Variants in BRWD3 observed in about 807,000 individuals in gnomAD.
The protein encoded by BRWD3 is bromodomain and WD repeat domain containing 3.
BRWD3 carries 10 observed loss-of-function variants against 149.7 expected under a neutral mutation model. The ratio of observed to expected loss-of-function variants is 0.07; its 90% confidence interval spans 0.04 to 0.11. The LOEUF is 0.11. Among genes scored for constraint, BRWD3 ranks in the 10% least tolerant of loss-of-function variants. BRWD3 has a pLI of 1.00. For synonymous variants in BRWD3, 504 were observed against 456.7 expected, an observed-to-expected ratio of 1.10 and a Z score of -1.32; for missense variants, 940 against 1,373.2, an observed-to-expected ratio of 0.68 and a Z score of 4.99.
chrX:80,762,900 T>C (rs759596840), intron 6 of BRWD3, among the ~76,000 whole-genome samples: 1 of 110,604 alleles, frequency 9.0e-6, no homozygotes, highest in South Asian at 4.0e-4. Flanking sequence ...CTCTCTGGGG[T>C]CTCAGTAGTC....
In BRWD3 at chrX:80,676,975, T is replaced by A. The variant is rs1266578539; in HGVS notation, c.5043A>T (p.Arg1681Ser). 8.3e-7 allele frequency: 1 copy of A among 1,205,870 alleles called. No homozygotes were observed. The highest frequency in any genetic ancestry group is 1.8e-5 in the South Asian group (1 of 56,823). ...GGRGRWGRWG[R>S]WSRGGRGRGG... ...CTCTTCCTCTGCCTCCTCTACTCCA[T>A]CTACCCCATCTTCCCCATCTGCCTC... is the stretch of plus-strand genomic sequence containing the variant. Residue 1681 changes from arginine to serine, a missense_variant, in exon 41 of 41, where the codon AGA becomes AGT. Transcript: ENST00000373275.
At chrX:80,808,153 T>C (rs1490051661) in intron 4 of BRWD3, among the ~76,000 whole-genome samples, 4 of 98,802 alleles carry the variant, frequency 4.0e-5, no homozygotes, top group Non-Finnish European at 6.0e-5. Flanking sequence ...CTTCCACTAA[T>C]CCGGAACTCC....
intron 6 of BRWD3, among the ~76,000 whole-genome samples, chrX:80,780,142 A>C (rs2074041764): frequency 9.0e-6 from 1 of 110,904 alleles, no homozygotes; most frequent in Non-Finnish European, 1.9e-5. Context: ...CTTTTCCTCC[A>C]ACTAAACAAA....
At chrX:80,693,953 A>G (rs1298580288) in intron 27 of BRWD3, among the ~76,000 whole-genome samples, 1 of 111,832 alleles carries the variant, frequency 8.9e-6, no homozygotes. Flanking sequence ...GCCAAATGTT[A>G]GTCACCAAGA....
At chrX:80,741,173 C>A (rs946226167) in intron 8 of BRWD3, among the ~76,000 whole-genome samples, 2 of 110,101 alleles carry the variant, frequency 1.8e-5, no homozygotes, top group African/African-American at 6.6e-5. Flanking sequence ...GGTTTTTTGT[C>A]CTTGCGATAG....
At chrX:80,804,028 T>C (rs944499387) in intron 4 of BRWD3, among the ~76,000 whole-genome samples, 6 of 112,605 alleles carry the variant, frequency 5.3e-5, no homozygotes, top group African/African-American at 1.9e-4. Flanking sequence ...TAGATGTATG[T>C]ATATTTTTTA....
At chrX:80,768,733 T>C (rs2073896449) in intron 6 of BRWD3, among the ~76,000 whole-genome samples, 1 of 111,035 alleles carries the variant, frequency 9.0e-6, no homozygotes. Flanking sequence ...TATAACAATA[T>C]TAACCTTAAA....
At chrX:80,743,806 T>C (rs998842646) in intron 8 of BRWD3, 1 of 374,567 alleles carries the variant, frequency 2.7e-6, no homozygotes, top group African/African-American at 2.5e-5. Flanking sequence ...TATCTCACTC[T>C]ATTTATAGAA....
chrX:80,779,229 C>G (rs1004828849), intron 6 of BRWD3, among the ~76,000 whole-genome samples: 3 of 110,026 alleles, frequency 2.7e-5, no homozygotes, highest in African/African-American at 9.9e-5. Flanking sequence ...GCAGGAGAAT[C>G]GCTTGAACCC....
Position 80,748,023 on chromosome X carries a change from A to T in BRWD3, c.431-2294T>A, listed in dbSNP as rs529998150. ...AAGTGGCGAGAATGGGCATCTTTTT[A>T]TTAGAGATGGAGTTTCAACATGTTA... On this transcript the variant is annotated intron_variant, in intron 6 of 40. Coordinates refer to ENST00000373275, the MANE Select transcript of BRWD3 (RefSeq NM_153252.5). Among the ~76,000 whole-genome samples, 22 of 111,326 alleles carry T rather than the reference A, an allele frequency of 2.0e-4. No homozygotes were observed. The South Asian group carries it at 8.3e-3, about 42-fold the overall frequency.
chrX:80,806,707 G>A (rs1436608880), intron 4 of BRWD3, among the ~76,000 whole-genome samples: 1 of 112,059 alleles, frequency 8.9e-6, no homozygotes, highest in Admixed American at 9.5e-5. Flanking sequence ...AAATCATATC[G>A]TACCTTAAAT....
intron 20 of BRWD3, among the ~76,000 whole-genome samples, chrX:80,714,372 C>T (rs1037988643): frequency 1.8e-5 from 2 of 109,092 alleles, no homozygotes; most frequent in African/African-American, 6.7e-5. Flanking sequence ...GCTGGGATTA[C>T]AGACATGCAC....
chrX:80,745,885 T>G (rs1177363122), intron 6 of BRWD3, among the ~76,000 whole-genome samples, 156 bp from the exon 7 acceptor site: 1 of 111,261 alleles, frequency 9.0e-6, no homozygotes, highest in Non-Finnish European at 1.9e-5. Flanking sequence ...CATGATTTTA[T>G]GAACTCCAGT....
intron 34 of BRWD3, 126 bp from the exon 35 acceptor site, chrX:80,687,129 C>T: frequency 2.1e-6 from 1 of 483,862 alleles, no homozygotes; most frequent in Non-Finnish European, 3.1e-6. Context: ...TATATGGCAG[C>T]TGCTATTTTA....
At chrX:80,712,214 T>C (rs1164505600) in intron 20 of BRWD3, among the ~76,000 whole-genome samples, 2 of 111,748 alleles carry the variant, frequency 1.8e-5, no homozygotes, top group Non-Finnish European at 3.8e-5. Flanking sequence ...AGCTGGACTG[T>C]ACTGCTGCCA....
In BRWD3 at chrX:80,778,835, CTAAAA is replaced by C. The variant is rs767282246; in HGVS notation, c.430+13014_430+13018del. 5.2e-3 allele frequency among the ~76,000 whole-genome samples: 579 copies of C among 111,244 alleles called. 3 individuals carry two copies. The highest frequency in any genetic ancestry group is 0.018 in the African/African-American group (557 of 30,585). The stretch of plus-strand genomic sequence containing the variant: ...CCAACATGGTGACACCCTGTCTCTA[CTAAAA>C]ACACAAAAATTAGCTGAGCGTGGTG... On this transcript the variant is annotated intron_variant, in intron 6 of 40. Transcript: ENST00000373275.
intron 22 of BRWD3, among the ~76,000 whole-genome samples, chrX:80,705,551 C>G (rs1375135435): frequency 9.0e-6 from 1 of 111,421 alleles, no homozygotes; most frequent in African/African-American, 3.3e-5. Flanking sequence ...CAGAGAAATG[C>G]ATCATTAGGT....
chrX:80,773,097 C>A (rs1374545163), intron 6 of BRWD3, among the ~76,000 whole-genome samples: 1 of 111,712 alleles, frequency 9.0e-6, no homozygotes, highest in Admixed American at 9.5e-5. Flanking sequence ...GGAGGGAAGC[C>A]GATGTGGTTA....
chrX:80,680,503 G>T (rs1023170928), intron 40 of BRWD3, among the ~76,000 whole-genome samples: 48 of 111,926 alleles, frequency 4.3e-4, no homozygotes, highest in African/African-American at 1.5e-3. Context: ...GAAATGGGCA[G>T]GGCACAGTCT....
Sources: gnomAD v4.1 joint callset for allele counts (sites outside exome capture counted in the v4.1 genomes callset) on GRCh38, gnomAD v4.1.1 for gene constraint, MANE v1.5 for transcripts, NCBI Gene and HGNC (gene_info 2026-07-23, HGNC 2026-07-21) for gene names.